ANKRD22: variants seen among roughly 807,000 people sequenced by gnomAD.
ANKRD22 encodes the protein ankyrin repeat domain-containing protein 22.
Under a neutral mutation model 25.7 loss-of-function variants are expected in ANKRD22, and 24 were observed. That is an observed-to-expected ratio of 0.93 (90% CI 0.68 to 1.31). ANKRD22 has a LOEUF of 1.31. Among genes scored for constraint, ANKRD22 ranks in the 50% most tolerant of loss-of-function variants. The pLI, the probability that ANKRD22 is intolerant of heterozygous loss-of-function variation, is 0.00. For missense variants in ANKRD22, 214 were observed against 227.1 expected (o/e 0.94, Z 0.37); for synonymous variants, 84 against 84.3 (o/e 1.00, Z 0.02).
At chr10:88,823,215 A>G in intron 5 of ANKRD22, 65 bp downstream of exon 5, 1 of 1,411,848 alleles carries the variant, frequency 7.1e-7, no homozygotes, top group South Asian at 1.2e-5. Flanking sequence ...TTACTTCAAC[A>G]TAAGGCCTAG....
intron 3 of ANKRD22, among the ~76,000 whole-genome samples, chr10:88,827,770 G>A (rs1414084796): frequency 1.3e-5 from 2 of 152,146 alleles, no homozygotes; most frequent in Non-Finnish European, 2.9e-5. Flanking sequence ...ATGTTAACAG[G>A]TGTAACCAAT....
chr10:88,821,736 T>C lies in ANKRD22; in HGVS notation c.*1205A>G, dbSNP rs1843797592. ...TCAAGGATGGTAAATCTTTCATTCT[T>C]ATACTGTACTTGTTACCACATACAA... On this transcript the variant is annotated 3_prime_UTR_variant, in exon 6 of 6. Transcript: ENST00000371930. Among the ~76,000 whole-genome samples, 1 of 152,246 alleles carries C rather than the reference T, an allele frequency of 6.6e-6. No individual in the cohort carries two copies. The highest frequency in any genetic ancestry group is 1.5e-5 in the Non-Finnish European group (1 of 68,038).
Position 88,828,423 on chromosome 10 carries a change from A to G in ANKRD22, c.321+136T>C, listed in dbSNP as rs73367123. The stretch of plus-strand genomic sequence containing the variant: ...TTATAGCATTGGATGTATGTTGAAC[A>G]TGTCAATTACAGAATACAAACCAAA... On this transcript the variant is annotated intron_variant, in intron 3 of 5. Coordinates refer to ENST00000371930, the MANE Select transcript of ANKRD22 (RefSeq NM_144590.3). 17 of 707,280 alleles carry G rather than the reference A, an allele frequency of 2.4e-5. No homozygotes were observed. In the African/African-American group the frequency reaches 2.9e-4, roughly 12 times the overall value. The allele number at this position is 707,280 out of a possible 1,614,324, so 43.8% of individuals were successfully genotyped here.
chr10:88,823,163 GGAT>G, intron 5 of ANKRD22, 114 bp downstream of exon 5: 1 of 1,236,092 alleles, frequency 8.1e-7, no homozygotes, highest in Non-Finnish European at 1.2e-6. Flanking sequence ...TCCTTAATGA[GGAT>G]GATTAATTTT....
chr10:88,835,628 G>A (rs1288576154), intron 1 of ANKRD22, among the ~76,000 whole-genome samples: 1 of 152,158 alleles, frequency 6.6e-6, no homozygotes, highest in Admixed American at 6.5e-5. Flanking sequence ...AAAATATAGC[G>A]TAAAAGATAA....
rs113822948 is a variant in ANKRD22 at position 88,848,566 on chromosome 10, A to G, written c.21+3021T>C. Among the ~76,000 whole-genome samples, 14 of 152,168 alleles carry G rather than the reference A, an allele frequency of 9.2e-5. 2 individuals are homozygous for G. Among genetic ancestry groups the G allele is most frequent in the African/African-American group, 3.1e-4 (13 of 41,544 alleles). ...GAGCTGGGAAGATTGTGAGAATGCA[A>G]TTTTTTCCCCATTGTCTCTGCCTAG... is the stretch of plus-strand genomic sequence containing the variant. On this transcript the variant is annotated intron_variant, in intron 1 of 5. Coordinates refer to ENST00000371930, the MANE Select transcript of ANKRD22 (RefSeq NM_144590.3).
chr10:88,845,816 T>C (rs752819574), intron 1 of ANKRD22, among the ~76,000 whole-genome samples: 25 of 152,304 alleles, frequency 1.6e-4, no homozygotes, highest in East Asian at 9.6e-4. Context: ...GAGTGGCCTT[T>C]TTAAACCCTA....
chr10:88,848,008 T>C (rs1051754235), intron 1 of ANKRD22, among the ~76,000 whole-genome samples: 3 of 151,910 alleles, frequency 2.0e-5, no homozygotes, highest in African/African-American at 4.8e-5. Flanking sequence ...CTGTGCATTG[T>C]GTACCTGCAT....
rs78586189 is a variant in ANKRD22 at position 88,820,535 on chromosome 10, C to A, written c.*2406G>T. 20,355 of 1,536,078 alleles carry A rather than the reference C, an allele frequency of 0.013. 814 individuals carry two copies. The East Asian group carries it at 0.16, about 12-fold the overall frequency. The stretch of plus-strand genomic sequence containing the variant: ...ACACTGACGATCTTAGGACAACCTC[C>A]TGAGGGATGGGGCTAGGACCCATGA... On this transcript the variant is annotated 3_prime_UTR_variant, in exon 6 of 6. Coordinates refer to ENST00000371930, the MANE Select transcript of ANKRD22 (RefSeq NM_144590.3).
chr10:88,845,519 AC>A (rs768083142), intron 1 of ANKRD22, among the ~76,000 whole-genome samples: 32 of 152,096 alleles, frequency 2.1e-4, no homozygotes, highest in Admixed American at 5.2e-4. Flanking sequence ...TCCAAATAGA[AC>A]CCTGAAATGT....
chr10:88,823,785 G>C (rs910098176), intron 4 of ANKRD22, among the ~76,000 whole-genome samples: 4 of 138,516 alleles, frequency 2.9e-5, no homozygotes, highest in African/African-American at 5.6e-5. Context: ...CCGAGATTGC[G>C]CCACTGCGCT....
intron 1 of ANKRD22, among the ~76,000 whole-genome samples, chr10:88,844,901 C>T (rs1379663139): frequency 6.6e-6 from 1 of 152,030 alleles, no homozygotes; most frequent in Non-Finnish European, 1.5e-5. Flanking sequence ...TTTTCTCTCC[C>T]ACTTTCTCCT....
chr10:88,822,741 G>A lies in ANKRD22; in HGVS notation c.*200C>T, dbSNP rs1226016956. The A allele has an allele frequency of 3.7e-6, 2 of 541,916 alleles. No individual in the cohort carries two copies. Among genetic ancestry groups the A allele is most frequent in the Non-Finnish European group, 6.6e-6 (2 of 304,362 alleles). 33.6% of individuals were successfully genotyped at this position (541,916 alleles called of 1,614,324 possible). ...AACAACTTTAGTGTTTCCCTTAGAA[G>A]GATTACGGCCATGGTGAACTTGACT... On this transcript the variant is annotated 3_prime_UTR_variant, in exon 6 of 6. Transcript: ENST00000371930.
chr10:88,825,637 G>A (rs79649436), intron 4 of ANKRD22, among the ~76,000 whole-genome samples: 4,259 of 152,226 alleles, frequency 0.028, 220 homozygotes, highest in African/African-American at 0.098. Flanking sequence ...CCATTTTACC[G>A]ATGAGGACAC....
chr10:88,825,775 C>A (rs1480501777), intron 4 of ANKRD22, among the ~76,000 whole-genome samples: 10 of 152,176 alleles, frequency 6.6e-5, no homozygotes, highest in Admixed American at 6.5e-4. Flanking sequence ...TTATCGGAGC[C>A]TTAGTTTTCC....
intron 1 of ANKRD22, among the ~76,000 whole-genome samples, chr10:88,846,740 T>C (rs976668067): frequency 3.3e-5 from 5 of 152,180 alleles, no homozygotes; most frequent in African/African-American, 1.2e-4. Flanking sequence ...CCAGCGCAAT[T>C]ATCCTGTCCT....
At position 88,831,878 on chromosome 10, in the gene ANKRD22, G is replaced by C. The variant is rs775642379; in HGVS notation, c.170C>G (p.Ser57Cys). The part of the protein sequence containing the change: ...ACRRGHVRIV[S>C]FLLRRNANVN... ...ATTAGCATTTCTTCTTAAAAGGAAGGAAACGATTCTCACATGCCCTCGCCT... is the reference window on the plus strand; with the variant it reads ...ATTAGCATTTCTTCTTAAAAGGAAGCAAACGATTCTCACATGCCCTCGCCT... Residue 57 changes from serine to cysteine, a missense_variant, in exon 2 of 6, where the codon TCC becomes TGC. Transcript: ENST00000371930. 1 of 1,612,048 alleles carries C rather than the reference G, an allele frequency of 6.2e-7. No homozygotes were observed. Among genetic ancestry groups the C allele is most frequent in the South Asian group, 1.1e-5 (1 of 90,718 alleles).
chr10:88,825,945 T>C, intron 4 of ANKRD22, 93 bp downstream of exon 4: 1 of 1,076,528 alleles, frequency 9.3e-7, no homozygotes, highest in Non-Finnish European at 1.3e-6. Context: ...TAAAATTGTC[T>C]AGGAAAATAA....
At position 88,828,662 on chromosome 10, in the gene ANKRD22, T is replaced by C. The variant is rs17113412; in HGVS notation, c.218A>G (p.Glu73Gly). 321 of 1,579,342 alleles carry C rather than the reference T, an allele frequency of 2.0e-4. 4 individuals are homozygous for C. The East Asian group carries it at 6.4e-3, about 32-fold the overall frequency. ...NANVNLKNQKERTCLHYAVKK... is the reference protein window; with the variant it reads ...NANVNLKNQKGRTCLHYAVKK... ...CACAGCATAATGCAAGCAGGTTCTC[T>C]CTTTCTAAAAATTAAGAAAAGGATT... The change falls in exon 3 of 6, where the codon GAG (glutamate) becomes GGG (glycine). Residue 73 changes from glutamate (E) to glycine (G), a missense_variant. By Grantham distance (98) the Glu-to-Gly change is moderately conservative (BLOSUM62 -2). Transcript: ENST00000371930.
Sources: allele counts gnomAD v4.1 joint callset (sites outside exome capture counted in the v4.1 genomes callset), GRCh38; gene constraint gnomAD v4.1.1; transcripts MANE v1.5; gene names NCBI Gene and HGNC (gene_info 2026-07-23, HGNC 2026-07-21).